INPP4B: variants seen among roughly 807,000 people sequenced by gnomAD.
The protein encoded by INPP4B is inositol polyphosphate 4-phosphatase type II.
A neutral mutation model predicts 122.5 loss-of-function variants in INPP4B; 55 were observed. The ratio of observed to expected loss-of-function variants is 0.45; its 90% CI spans 0.36 to 0.56. The LOEUF is 0.56. Among genes scored for constraint, INPP4B ranks in the 20% least tolerant of loss-of-function variants. The probability of loss-of-function intolerance (pLI) is 0.00; values close to 1 mark genes in which losing one functional copy is unlikely to be tolerated. For missense variants in INPP4B, 1,000 were observed against 1,097.7 expected, an observed-to-expected ratio of 0.91 and a Z score of 1.26; for synonymous variants, 403 against 388.7, an observed-to-expected ratio of 1.04 and a Z score of -0.43.
chr4:142,263,680 A>ATATATATC (rs61694410), intron 10 of INPP4B, among the ~76,000 whole-genome samples: 2 of 81,946 alleles, frequency 2.4e-5, no homozygotes, highest in African/African-American at 7.6e-5. Flanking sequence ...ATATATATAT[A>ATATATATC]ACATTGAACA....
chr4:142,496,874 A>G (rs1560723670), intron 2 of INPP4B: 1 of 151,838 alleles, frequency 6.6e-6, no homozygotes, highest in East Asian at 1.9e-4. Context: ...ACTGGGATTT[A>G]TGAAGCAAAG....
At chr4:142,090,835 C>A (rs1048919184) in intron 23 of INPP4B, among the ~76,000 whole-genome samples, 5 of 151,100 alleles carry the variant, frequency 3.3e-5, no homozygotes, top group African/African-American at 1.2e-4. Flanking sequence ...AAGAATAAAC[C>A]AATATATTAA....
chr4:142,519,579 C>A (rs1407074911), intron 2 of INPP4B, among the ~76,000 whole-genome samples: 1 of 152,140 alleles, frequency 6.6e-6, no homozygotes, highest in Non-Finnish European at 1.5e-5. Flanking sequence ...TGTAGCAGGA[C>A]AGTTTAAAGC....
intron 7 of INPP4B, among the ~76,000 whole-genome samples, chr4:142,383,126 C>T (rs761106028): frequency 3.2e-4 from 48 of 152,094 alleles, no homozygotes; most frequent in Non-Finnish European, 5.3e-4. Context: ...TTTTGCTTTC[C>T]TGAATTAAAC....
intron 18 of INPP4B, among the ~76,000 whole-genome samples, chr4:142,139,219 C>T (rs185967503): frequency 6.6e-6 from 1 of 152,240 alleles, no homozygotes; most frequent in East Asian, 1.9e-4. Context: ...CCAACCAATA[C>T]AAATTTAGTG....
At chr4:142,496,054 T>A (rs182871372) in intron 2 of INPP4B, among the ~76,000 whole-genome samples, 1 of 152,276 alleles carries the variant, frequency 6.6e-6, no homozygotes, top group Admixed American at 6.5e-5. Flanking sequence ...ACAATATGAT[T>A]TTTGTAATTT....
intron 25 of INPP4B, chr4:142,030,036 GA>G: frequency 7.3e-7 from 1 of 1,378,992 alleles, no homozygotes; most frequent in Non-Finnish European, 9.4e-7. Context: ...TAAATTCTGT[GA>G]ATTTGAAAAT....
chr4:142,540,309 T>C (rs551692703), intron 2 of INPP4B, among the ~76,000 whole-genome samples: 2 of 151,302 alleles, frequency 1.3e-5, no homozygotes, highest in South Asian at 4.2e-4. Flanking sequence ...CACATTTGTA[T>C]GAAAAGGAGG....
intron 7 of INPP4B, among the ~76,000 whole-genome samples, chr4:142,326,017 A>G (rs970775890): frequency 3.9e-5 from 6 of 152,230 alleles, no homozygotes; most frequent in East Asian, 1.9e-4. Flanking sequence ...TCTGCTGAAA[A>G]TAAGAGATGC....
intron 8 of INPP4B, among the ~76,000 whole-genome samples, chr4:142,306,657 T>A (rs1166384338): frequency 2.0e-5 from 3 of 152,176 alleles, no homozygotes; most frequent in Non-Finnish European, 2.9e-5. Context: ...CTCCCTCTTT[T>A]AAAATCTTTA....
intron 3 of INPP4B, among the ~76,000 whole-genome samples, chr4:142,462,227 A>G (rs1312222697): frequency 6.6e-6 from 1 of 152,102 alleles, no homozygotes; most frequent in African/African-American, 2.4e-5. Context: ...ATTTTATCCC[A>G]TAGAATTCTG....
Position 142,252,885 on chromosome 4 carries a change from T to C in INPP4B, c.688+7607A>G, listed in dbSNP as rs921671426. 2.0e-5 allele frequency among the ~76,000 whole-genome samples: 3 copies of C among 152,026 alleles called. No homozygotes were observed. The East Asian group carries it at 5.8e-4, about 29-fold the overall frequency. ...TATAGTCGTGTAGTTTAACAAGGGG[T>C]TATGTTCTGAGAAAGTAGTCATTAG... On this transcript the variant is annotated intron_variant, in intron 11 of 25. Coordinates refer to ENST00000262992, the MANE Select transcript of INPP4B (RefSeq NM_001101669.3).
At chr4:142,636,114 GC>G (rs1208901909) in intron 2 of INPP4B, among the ~76,000 whole-genome samples, 1 of 151,998 alleles carries the variant, frequency 6.6e-6, no homozygotes, top group African/African-American at 2.4e-5. Context: ...TTTATAAGGG[GC>G]TTCTCCTTTC....
At chr4:142,738,816 G>A (rs901543188) in intron 1 of INPP4B, among the ~76,000 whole-genome samples, 1 of 152,062 alleles carries the variant, frequency 6.6e-6, no homozygotes, top group African/African-American at 2.4e-5. Context: ...AAGATCAGTA[G>A]TAGAGGAGCT....
intron 14 of INPP4B, among the ~76,000 whole-genome samples, chr4:142,200,369 C>T (rs920047472): frequency 6.6e-6 from 1 of 151,902 alleles, no homozygotes; most frequent in African/African-American, 2.4e-5. Flanking sequence ...AACCAACTTT[C>T]CAATAAACCT....
At chr4:142,523,743 G>C (rs992190238) in intron 2 of INPP4B, among the ~76,000 whole-genome samples, 1 of 149,562 alleles carries the variant, frequency 6.7e-6, no homozygotes, top group African/African-American at 2.5e-5. Flanking sequence ...TGCCACGCTG[G>C]TGCGCTGCAC....
chr4:142,048,204 G>A (rs1261640365), intron 25 of INPP4B, among the ~76,000 whole-genome samples: 1 of 152,028 alleles, frequency 6.6e-6, no homozygotes, highest in Admixed American at 6.6e-5. Flanking sequence ...AGTTCCTTCT[G>A]ACACCTAAGT....
intron 2 of INPP4B, among the ~76,000 whole-genome samples, chr4:142,558,654 T>C (rs999954635): frequency 8.9e-5 from 11 of 124,290 alleles, no homozygotes; most frequent in African/African-American, 2.8e-4. Flanking sequence ...TCAGTGGGTG[T>C]TGGGGGGGCA....
intron 2 of INPP4B, among the ~76,000 whole-genome samples, chr4:142,693,735 G>A (rs545725369): frequency 5.3e-4 from 81 of 151,870 alleles, no homozygotes; most frequent in Middle Eastern, 3.4e-3. Flanking sequence ...ATGTCTTCAC[G>A]CTATGCTTTC....
Sources: gnomAD v4.1 joint callset for allele counts (sites outside exome capture counted in the v4.1 genomes callset) on GRCh38, gnomAD v4.1.1 for gene constraint, MANE v1.5 for transcripts, NCBI Gene and HGNC (gene_info 2026-07-23, HGNC 2026-07-21) for gene names.